ZNF646: variants seen among roughly 807,000 people sequenced by gnomAD.
ZNF646 encodes the protein zinc finger protein 646.
In ZNF646, 49 loss-of-function variants were observed where a neutral mutation model predicts 115.4. That is an observed-to-expected ratio of 0.42 (90% CI 0.34 to 0.54). The LOEUF (loss-of-function observed/expected upper bound fraction) is 0.54. Among genes scored for constraint, ZNF646 ranks in the 20% least tolerant of loss-of-function variants. The pLI is 0.04. For synonymous variants in ZNF646, 933 were observed against 939.0 expected (o/e 0.99, Z 0.12); for missense variants, 2,269 against 2,457.9 (o/e 0.92, Z 1.62).
At position 31,080,345 on chromosome 16, in the gene ZNF646, C is replaced by G. The variant is rs1447005595; in HGVS notation, c.4021C>G (p.Leu1341Val). The G allele has an allele frequency of 6.2e-7, 1 of 1,613,616 alleles. No homozygotes were observed. Among genetic ancestry groups the G allele is most frequent in the Non-Finnish European group, 8.5e-7 (1 of 1,179,928 alleles). ...CAAGACCTACTCCAACCGCATGGCC[C>G]TGAAGGACCACCAGAGGCTGCACTC... is the stretch of plus-strand genomic sequence containing the variant. Reference protein sequence around the residue: ...CPKTYSNRMALKDHQRLHSEN... With the variant: ...CPKTYSNRMAVKDHQRLHSEN... The change falls in exon 2 of 3, where the codon CTG becomes GTG. Residue 1341 changes from leucine to valine, a missense_variant. Leu to Val is a conservative substitution (Grantham distance 32). Around this residue, in one of 5 missense-constraint regions of ZNF646, gnomAD observed 1,062 missense variants for 1,172.8 expected, o/e 0.91. Transcript: ENST00000300850.
rs1162055180 is a variant in ZNF646 at position 31,081,448 on chromosome 16, C to T, written c.5124C>T (p.Leu1708=). The part of the protein sequence containing the change: ...AHTTGLYPCS[L]CPKLLPNLLS... ...CCACAGGGTTGTACCCGTGCTCCCTCTGTCCCAAACTTCTCCCTAACCTGC... is the reference window on the plus strand; with the variant it reads ...CCACAGGGTTGTACCCGTGCTCCCTTTGTCCCAAACTTCTCCCTAACCTGC... Residue 1708 remains leucine, a synonymous_variant, in exon 2 of 3, where the codon CTC becomes CTT. Coordinates refer to ENST00000300850, the MANE Select transcript of ZNF646 (RefSeq NM_014699.4). 6.2e-7 allele frequency: 1 copy of T among 1,614,224 alleles called. No individual in the cohort carries two copies. Among genetic ancestry groups the T allele is most frequent in the East Asian group, 2.2e-5 (1 of 44,890 alleles).
In ZNF646 at chr16:31,080,927, C is replaced by T; in HGVS notation, c.4603C>T (p.Gln1535Ter). 1.2e-6 allele frequency: 2 copies of T among 1,614,154 alleles called. No homozygotes were observed. The highest frequency in any genetic ancestry group is 8.5e-7 in the Non-Finnish European group (1 of 1,180,030). ...GCCAGGGAGCCACTCCTCTTGCAGC[C>T]AGTGTGGCAAGACTTACTGCCAGTC... ...LQPGSHSSCSQCGKTYCQSGS... is the reference protein window; with the variant it reads ...LQPGSHSSCS Residue 1535 changes from glutamine (Q) to a stop codon, truncating the protein, a stop_gained, in exon 2 of 3, where the codon CAG (glutamine) becomes TAG (stop). Transcript: ENST00000300850. LOFTEE classifies it high-confidence loss of function.
upstream of ZNF646, chr16:31,073,266 G>C (rs906334551): frequency 3.9e-5 from 6 of 152,408 alleles, no homozygotes; most frequent in African/African-American, 1.4e-4. Context: ...TTGCAAGATG[G>C]CGTTCTCTAG....
rs781118213 is a variant in ZNF646, at chr16:31,077,474, C to T, written c.1150C>T (p.Arg384Cys). 6.2e-6 allele frequency: 10 copies of T among 1,613,310 alleles called. No homozygotes were observed. Among genetic ancestry groups the T allele is most frequent in the Admixed American group, 3.3e-5 (2 of 60,008 alleles). The change falls in exon 2 of 3, where the codon CGC (arginine) becomes TGC (cysteine). Residue 384 changes from arginine to cysteine, a missense_variant. Arg to Cys is a radical substitution (Grantham distance 180). This residue lies in a region of ZNF646 where 852 missense variants were observed against 900.2 expected (regional missense o/e 0.95). Coordinates refer to ENST00000300850, the MANE Select transcript of ZNF646 (RefSeq NM_014699.4). ...CTGTGGGGACTGTGGCCGTACTTAC[C>T]GCCATGCTGGGAGCCTCATCAACCA... ...FRCGDCGRTY[R>C]HAGSLINHRK... is the part of the protein sequence containing the mutation.
Position 31,077,469 on chromosome 16 carries a change from C to T in ZNF646, c.1145C>T (p.Thr382Ile). ...TTCCGCTGTGGGGACTGTGGCCGTA[C>T]TTACCGCCATGCTGGGAGCCTCATC... is the stretch of plus-strand genomic sequence containing the variant. ...RPFRCGDCGR[T>I]YRHAGSLINH... The change falls in exon 2 of 3, where the codon ACT becomes ATT. Residue 382 changes from threonine to isoleucine, a missense_variant. Around this residue, in one of 5 missense-constraint regions of ZNF646, gnomAD observed 852 missense variants for 900.2 expected, o/e 0.95. Coordinates refer to ENST00000300850, the MANE Select transcript of ZNF646 (RefSeq NM_014699.4). The T allele has an allele frequency of 6.2e-7, 1 of 1,613,308 alleles. No homozygotes were observed. Among genetic ancestry groups the T allele is most frequent in the Non-Finnish European group, 8.5e-7 (1 of 1,179,972 alleles).
Position 31,077,573 on chromosome 16 carries a change from A to C in ZNF646, c.1249A>C (p.Lys417Gln), listed in dbSNP as rs1305307513. ...SKQLFNAAAL[K>Q]NHVRAHHRPR... ...GCAGCTGTTCAATGCGGCTGCCCTC[A>C]AAAACCATGTGCGGGCTCATCACAG... The change falls in exon 2 of 3, where the codon AAA (lysine) becomes CAA (glutamine). Residue 417 changes from lysine (K) to glutamine (Q), a missense_variant. Physicochemically the swap from Lys to Gln is moderately conservative, Grantham distance 53. This residue lies in a region of ZNF646 where 852 missense variants were observed against 900.2 expected (regional missense o/e 0.95). Transcript: ENST00000300850. The C allele has an allele frequency of 6.2e-7, 1 of 1,613,146 alleles. No individual in the cohort carries two copies. Among genetic ancestry groups the C allele is most frequent in the East Asian group, 2.2e-5 (1 of 44,846 alleles).
At position 31,081,284 on chromosome 16, in the gene ZNF646, G is replaced by C; in HGVS notation, c.4960G>C (p.Glu1654Gln). ...ATCAGAAACCCCCAGAGGCCCAGGA[G>C]AGAGTGTGGAGAGAGCCAGGGGAGG... is the stretch of plus-strand genomic sequence containing the variant. ...APSETPRGPG[E>Q]SVERARGGQA... The change falls in exon 2 of 3, where the codon GAG becomes CAG. Residue 1654 changes from glutamate (E) to glutamine (Q), a missense_variant. Physicochemically the swap from Glu to Gln is conservative, Grantham distance 29. Around this residue, in one of 5 missense-constraint regions of ZNF646, gnomAD observed 1,062 missense variants for 1,172.8 expected, o/e 0.91. Transcript: ENST00000300850. The C allele has an allele frequency of 6.2e-7, 1 of 1,612,914 alleles. No individual in the cohort carries two copies. Among genetic ancestry groups the C allele is most frequent in the Non-Finnish European group, 8.5e-7 (1 of 1,179,188 alleles).
At position 31,081,472 on chromosome 16, in the gene ZNF646, GCTGT is replaced by G. The variant is rs772089562; in HGVS notation, c.5151_5154del (p.Ser1718LeufsTer81). Reference sequence around the variant, plus strand: ...TCTGTCCCAAACTTCTCCCTAACCTGCTGTCTCTTAAGAACCACAGCAGGACCCA... The same window carrying G: ...TCTGTCCCAAACTTCTCCCTAACCTGCTCTTAAGAACCACAGCAGGACCCA... On this transcript the variant is annotated frameshift_variant, in exon 2 of 3. Coordinates refer to ENST00000300850, the MANE Select transcript of ZNF646 (RefSeq NM_014699.4). LOFTEE classifies it high-confidence loss of function. 6.2e-7 allele frequency: 1 copy of G among 1,614,192 alleles called. No individual in the cohort carries two copies.
upstream of ZNF646, chr16:31,072,932 G>A (rs187461085): frequency 6.6e-6 from 1 of 152,398 alleles, no homozygotes; most frequent in East Asian, 1.9e-4. Context: ...ATACTTTATG[G>A]CAGTAGAGAG....
In ZNF646 at chr16:31,080,499, A is replaced by G. The variant is rs772143575; in HGVS notation, c.4175A>G (p.Glu1392Gly). The change falls in exon 2 of 3, where the codon GAG (glutamate) becomes GGG (glycine). Residue 1392 changes from glutamate to glycine, a missense_variant. Physicochemically the swap from Glu to Gly is moderately conservative, Grantham distance 98 (BLOSUM62 -2). This residue lies in a region of ZNF646 where 1,062 missense variants were observed against 1,172.8 expected (regional missense o/e 0.91). Transcript: ENST00000300850. ...CGGGAGCATGAGGAGACAGAAAGGG[A>G]GCCAGCCAATGGCCAGGGAGGCCTG... ...HLREHEETER[E>G]PANGQGGLDG... The G allele has an allele frequency of 5.2e-5, 84 of 1,613,806 alleles. No homozygotes were observed. The East Asian group carries it at 1.8e-3, about 35-fold the overall frequency.
rs1379236559 is a variant in ZNF646, at chr16:31,076,651, C to G, written c.327C>G (p.Arg109=). 6 of 1,612,844 alleles carry G rather than the reference C, an allele frequency of 3.7e-6. No individual in the cohort carries two copies. The South Asian group carries it at 5.5e-5, about 15-fold the overall frequency. Residue 109 remains arginine (R), a synonymous_variant, in exon 2 of 3, where the codon CGC becomes CGG. Transcript: ENST00000300850. ...PEGRRRHRPP[R]PKEATPHLQG... is the part of the protein sequence containing the mutation. The stretch of plus-strand genomic sequence containing the variant: ...GCCGCCGCAGGCACAGGCCCCCACG[C>G]CCCAAGGAAGCCACTCCACACCTCC...
At position 31,077,625 on chromosome 16, in the gene ZNF646, G is replaced by A. The variant is rs2057094726; in HGVS notation, c.1301G>A (p.Gly434Glu). The A allele has an allele frequency of 6.2e-7, 1 of 1,613,610 alleles. No homozygotes were observed. The highest frequency in any genetic ancestry group is 1.3e-5 in the African/African-American group (1 of 74,912). The change falls in exon 2 of 3, where the codon GGG becomes GAG. Residue 434 changes from glycine to glutamate, a missense_variant. Transcript: ENST00000300850. The part of the protein sequence containing the change: ...HRPRQGVGEN[G>E]QPSVPPAPLL... ...CCCAGGCAAGGAGTTGGGGAAAATG[G>A]GCAGCCATCAGTCCCACCAGCTCCC...
chr16:31,084,055 T>C lies in ZNF646; in HGVS notation c.*963T>C, dbSNP rs542360591. ...GCTGGAGTGGGTTAGAACGGCACGT[T>C]CTCACTGGAGAGAGAAGGGTCCTGG... On this transcript the variant is annotated 3_prime_UTR_variant, in exon 3 of 3. Transcript: ENST00000300850. The C allele has an allele frequency of 6.5e-7, 1 of 1,529,806 alleles. No homozygotes were observed. Among genetic ancestry groups the C allele is most frequent in the East Asian group, 2.5e-5 (1 of 40,750 alleles). 94.8% of individuals were successfully genotyped at this position (1,529,806 alleles called of 1,614,324 possible). A position where few individuals can be genotyped will look rare whatever the true frequency, so the allele number is the denominator to read the frequency against.
rs769483182 is a variant in ZNF646 at position 31,077,370 on chromosome 16, A to G, written c.1046A>G (p.Gln349Arg). 1.9e-6 allele frequency: 3 copies of G among 1,613,058 alleles called. No individual in the cohort carries two copies. The African/African-American group carries it at 4.0e-5, about 22-fold the overall frequency. The change falls in exon 2 of 3, where the codon CAG (glutamine) becomes CGG (arginine). Residue 349 changes from glutamine (Q) to arginine (R), a missense_variant. Physicochemically the swap from Gln to Arg is conservative, Grantham distance 43 (BLOSUM62 1). Coordinates refer to ENST00000300850, the MANE Select transcript of ZNF646 (RefSeq NM_014699.4). ...ESSQDQLPSA[Q>R]MLNGSAELST... ...AGCCAGGACCAGCTCCCCAGTGCAC[A>G]GATGCTGAATGGCTCTGCGGAGCTC...
In ZNF646 at chr16:31,080,247, A is replaced by C. The variant is rs143516044; in HGVS notation, c.3923A>C (p.Tyr1308Ser). 6.2e-7 allele frequency: 1 copy of C among 1,612,142 alleles called. No homozygotes were observed. The highest frequency in any genetic ancestry group is 1.3e-5 in the African/African-American group (1 of 74,894). ...PFRCGQCGRT[Y>S]RHAGSLLNHR... ...CGCTGTGGGCAGTGCGGGCGGACCT[A>C]TCGCCACGCCGGCAGCCTCCTGAAC... Residue 1308 changes from tyrosine (Y) to serine (S), a missense_variant, in exon 2 of 3, where the codon TAT (tyrosine) becomes TCT (serine). By Grantham distance (144) the Tyr-to-Ser change is moderately radical. Around this residue, in one of 5 missense-constraint regions of ZNF646, gnomAD observed 1,062 missense variants for 1,172.8 expected, o/e 0.91. Coordinates refer to ENST00000300850, the MANE Select transcript of ZNF646 (RefSeq NM_014699.4).
rs1178091911 is a variant in ZNF646, at chr16:31,081,636, G to A, written c.5312G>A (p.Arg1771His). The A allele has an allele frequency of 1.9e-6, 3 of 1,608,060 alleles. No homozygotes were observed. The highest frequency in any genetic ancestry group is 2.5e-6 in the Non-Finnish European group (3 of 1,176,738). The change falls in exon 2 of 3, where the codon CGC becomes CAC. Residue 1771 changes from arginine (R) to histidine (H), a missense_variant. Around this residue, in one of 5 missense-constraint regions of ZNF646, gnomAD observed 1,062 missense variants for 1,172.8 expected, o/e 0.91. Transcript: ENST00000300850. ...TGCCCCCATTGTCCCCGCCACTTCC[G>A]CCGCCGAATCAGCTTCGTGCAGCAC... is the stretch of plus-strand genomic sequence containing the variant. ...FTCPHCPRHF[R>H]RRISFVQHQQ...
chr16:31,080,246 T>C lies in ZNF646; in HGVS notation c.3922T>C (p.Tyr1308His). The part of the protein sequence containing the change: ...PFRCGQCGRT[Y>H]RHAGSLLNHR... ...CCGCTGTGGGCAGTGCGGGCGGACCTATCGCCACGCCGGCAGCCTCCTGAA... is the reference window on the plus strand; with the variant it reads ...CCGCTGTGGGCAGTGCGGGCGGACCCATCGCCACGCCGGCAGCCTCCTGAA... Residue 1308 changes from tyrosine (Y) to histidine (H), a missense_variant, in exon 2 of 3, where the codon TAT becomes CAT. Tyr to His is a moderately conservative substitution (Grantham distance 83). Transcript: ENST00000300850. 6.2e-7 allele frequency: 1 copy of C among 1,612,250 alleles called. No individual in the cohort carries two copies. Among genetic ancestry groups the C allele is most frequent in the Non-Finnish European group, 8.5e-7 (1 of 1,179,618 alleles).
In ZNF646 at chr16:31,076,843, C is replaced by G; in HGVS notation, c.519C>G (p.Gly173=). 1 of 1,614,178 alleles carries G rather than the reference C, an allele frequency of 6.2e-7. No individual in the cohort carries two copies. The highest frequency in any genetic ancestry group is 8.5e-7 in the Non-Finnish European group (1 of 1,180,034). ...ATCTGCCCACCAGACAAAGAGAAGG[C>G]TTGGCAAGCCACCCAGGTCCTGAGG... ...WEDLPTRQRE[G]LASHPGPEDG... The change falls in exon 2 of 3, where the codon GGC becomes GGG. Residue 173 remains glycine, a synonymous_variant. Coordinates refer to ENST00000300850, the MANE Select transcript of ZNF646 (RefSeq NM_014699.4).
At position 31,083,680 on chromosome 16, in the gene ZNF646, T is replaced by TG; in HGVS notation, c.*591dup. 6.3e-7 allele frequency: 1 copy of TG among 1,591,102 alleles called. No individual in the cohort carries two copies. Among genetic ancestry groups the TG allele is most frequent in the Admixed American group, 1.8e-5 (1 of 56,730 alleles). ...TTCCTTCCCACAGCTGCTGGGCTTCTGGGCCTGCCCTGGTGCCTGGAATCA... is the reference window on the plus strand; with the variant it reads ...TTCCTTCCCACAGCTGCTGGGCTTCTGGGGCCTGCCCTGGTGCCTGGAATCA... On this transcript the variant is annotated 3_prime_UTR_variant, in exon 3 of 3. Coordinates refer to ENST00000300850, the MANE Select transcript of ZNF646 (RefSeq NM_014699.4).
Sources: allele counts gnomAD v4.1 joint callset, GRCh38; gene constraint gnomAD v4.1.1; regional missense constraint gnomAD v4.1.1; transcripts MANE v1.5; gene names NCBI Gene and HGNC (gene_info 2026-07-23, HGNC 2026-07-21).